ZSCAN5A: variants seen among roughly 807,000 people sequenced by gnomAD.
ZSCAN5A encodes zinc finger and SCAN domain-containing protein 5A.
ZSCAN5A carries 12 observed loss-of-function variants against 23.7 expected under a neutral mutation model. The observed-to-expected ratio is 0.51, with a 90% CI of 0.32 to 0.82. The LOEUF is 0.82. Among genes scored for constraint, ZSCAN5A ranks in the 40% least tolerant of loss-of-function variants. The probability of loss-of-function intolerance (pLI) is 0.03; values close to 1 mark genes in which losing one functional copy is unlikely to be tolerated. For synonymous variants in ZSCAN5A, 257 were observed against 239.9 expected (o/e 1.07, Z -0.66); for missense variants, 597 against 617.9 (o/e 0.97, Z 0.36).
At chr19:56,329,005 A>AT (rs1237509204) in intron 2 of ZSCAN5A, among the ~76,000 whole-genome samples, 71 of 150,458 alleles carry the variant, frequency 4.7e-4, no homozygotes, top group Middle Eastern at 6.8e-3. Flanking sequence ...AAAAAAAAAA[A>AT]AAAATAAATA....
chr19:56,247,274 A>G, intron 2 of ZSCAN5A: 1 of 344,736 alleles, frequency 2.9e-6, no homozygotes, highest in South Asian at 3.3e-5. Context: ...TTCTCCTTGA[A>G]GTGTCACAAG....
upstream of ZSCAN5A, among the ~76,000 whole-genome samples, chr19:56,319,066 C>T (rs994899072): frequency 1.3e-5 from 2 of 152,200 alleles, no homozygotes; most frequent in African/African-American, 4.8e-5. Context: ...CCAACCCCAA[C>T]AGAATCAACT....
chr19:56,261,757 T>G (rs1425579519), intron 2 of ZSCAN5A, among the ~76,000 whole-genome samples: 2 of 152,236 alleles, frequency 1.3e-5, no homozygotes, highest in East Asian at 3.8e-4. Context: ...ATTGAAAATT[T>G]CACATGTAAA....
chr19:56,279,958 A>G (rs1372387171), intron 2 of ZSCAN5A, among the ~76,000 whole-genome samples: 1 of 152,154 alleles, frequency 6.6e-6, no homozygotes, highest in Non-Finnish European at 1.5e-5. Flanking sequence ...ACATCATGTT[A>G]TTTTCATTTA....
At chr19:56,262,202 A>G (rs2037172335) in intron 2 of ZSCAN5A, among the ~76,000 whole-genome samples, 1 of 151,994 alleles carries the variant, frequency 6.6e-6, no homozygotes, top group Non-Finnish European at 1.5e-5. Context: ...ATTTTTTAGT[A>G]GAGACAAGGT....
chr19:56,306,121 A>T (rs1284466584), intron 2 of ZSCAN5A, among the ~76,000 whole-genome samples: 1 of 152,160 alleles, frequency 6.6e-6, no homozygotes, highest in Non-Finnish European at 1.5e-5. Flanking sequence ...AGTGAGAAAG[A>T]GACACGTCCC....
intron 2 of ZSCAN5A, chr19:56,245,533 GAC>G (rs1443153770): frequency 2.8e-6 from 1 of 358,800 alleles, no homozygotes; most frequent in Non-Finnish European, 5.1e-6. Flanking sequence ...CAAGAACAGA[GAC>G]ATTCCCCATG....
chr19:56,315,261 A>G (rs1182709791), upstream of ZSCAN5A: 1 of 152,208 alleles, frequency 6.6e-6, no homozygotes, highest in Non-Finnish European at 1.5e-5. Context: ...AGGACGGGAT[A>G]GAGTTGCACA....
intron 2 of ZSCAN5A, among the ~76,000 whole-genome samples, chr19:56,243,076 G>T (rs1225529543): frequency 6.6e-6 from 1 of 152,098 alleles, no homozygotes; most frequent in African/African-American, 2.4e-5. Flanking sequence ...ACCACACCTG[G>T]CCTCAAAAAA....
intron 2 of ZSCAN5A, among the ~76,000 whole-genome samples, chr19:56,290,464 C>T (rs1384980358): frequency 6.6e-6 from 1 of 152,188 alleles, no homozygotes; most frequent in East Asian, 1.9e-4. Flanking sequence ...CAGTGCTTCT[C>T]AGGGTCTTTG....
At chr19:56,339,851 C>T (rs934570283) in intron 2 of ZSCAN5A, among the ~76,000 whole-genome samples, 1 of 152,142 alleles carries the variant, frequency 6.6e-6, no homozygotes, top group East Asian at 1.9e-4. Flanking sequence ...CGGTTGTAGC[C>T]GTATTTAGCA....
In ZSCAN5A at chr19:56,281,042, T is replaced by A. The variant is rs887265570; in HGVS notation, c.-128+32241A>T. ...TACTGTTGACCAGAAGACTTACTAA[T>A]AACATAAACAGTAGATTAACATATA... is the stretch of plus-strand genomic sequence containing the variant. On this transcript the variant is annotated intron_variant, in intron 2 of 5. Coordinates refer to ENST00000683990, the MANE Select transcript of ZSCAN5A (RefSeq NM_001322064.3). 3.2e-4 allele frequency among the ~76,000 whole-genome samples: 49 copies of A among 152,302 alleles called. 1 individual carries two copies. The Middle Eastern group carries it at 0.027, about 85-fold the overall frequency.
intron 2 of ZSCAN5A, among the ~76,000 whole-genome samples, chr19:56,237,140 T>G (rs2034999546): frequency 6.6e-6 from 1 of 152,260 alleles, no homozygotes; most frequent in Non-Finnish European, 1.5e-5. Context: ...TTGTCTTCAA[T>G]AAACCTGTGC....
At chr19:56,276,485 T>C (rs2038264504) in intron 2 of ZSCAN5A, among the ~76,000 whole-genome samples, 1 of 149,898 alleles carries the variant, frequency 6.7e-6, no homozygotes. Flanking sequence ...GCGAAAAAAA[T>C]TATTAAGGAT....
chr19:56,288,989 C>T (rs561556773), intron 2 of ZSCAN5A, among the ~76,000 whole-genome samples: 40 of 152,284 alleles, frequency 2.6e-4, no homozygotes, highest in African/African-American at 9.6e-4. Context: ...AGGGTTGGTC[C>T]AGGCCCCAGT....
chr19:56,291,086 A>G (rs1487398515), intron 2 of ZSCAN5A, among the ~76,000 whole-genome samples: 1 of 152,200 alleles, frequency 6.6e-6, no homozygotes, highest in Non-Finnish European at 1.5e-5. Context: ...GGCTACATGC[A>G]GGACTGAGTA....
At chr19:56,223,592 T>C in intron 4 of ZSCAN5A, 39 bp downstream of exon 4, 1 of 1,605,342 alleles carries the variant, frequency 6.2e-7, no homozygotes, top group South Asian at 1.1e-5. Context: ...CTGTTCCTTC[T>C]CCCACCTCTG....
chr19:56,326,305 T>TTGTGTGTGTGTGTGTGTG (rs368735639), intron 2 of ZSCAN5A, among the ~76,000 whole-genome samples: 68 of 145,622 alleles, frequency 4.7e-4, no homozygotes, highest in African/African-American at 1.6e-3. Flanking sequence ...ACAGTTACCA[T>TTGTGTGTGTGTGTGTGTG]TGTGTGTGTG....
chr19:56,247,260 G>T, intron 2 of ZSCAN5A: 1 of 370,870 alleles, frequency 2.7e-6, no homozygotes, highest in Non-Finnish European at 5.1e-6. Flanking sequence ...GGTTCAACAG[G>T]ATGTTCTCCT....
Sources: gnomAD v4.1 joint callset for allele counts (sites outside exome capture counted in the v4.1 genomes callset) on GRCh38, gnomAD v4.1.1 for gene constraint, MANE v1.5 for transcripts, NCBI Gene and HGNC (gene_info 2026-07-23, HGNC 2026-07-21) for gene names.